SEMA3A: variants seen among roughly 807,000 people sequenced by gnomAD.
The protein encoded by SEMA3A is semaphorin-3A.
A neutral mutation model predicts 97.9 loss-of-function variants in SEMA3A; 29 were observed. The ratio of observed to expected loss-of-function variants is 0.30; its 90% CI spans 0.22 to 0.40. The LOEUF is 0.40. Ranked by LOEUF, SEMA3A falls within the 10% of genes least tolerant of loss-of-function variation. The pLI is 1.00. For missense variants in SEMA3A, 763 were observed against 951.3 expected, an observed-to-expected ratio of 0.80 and a Z score of 2.60; for synonymous variants, 321 against 323.7, an observed-to-expected ratio of 0.99 and a Z score of 0.09.
At chr7:84,147,584 G>A (rs1796499827) in intron 1 of SEMA3A, among the ~76,000 whole-genome samples, 1 of 152,146 alleles carries the variant, frequency 6.6e-6, no homozygotes, top group African/African-American at 2.4e-5. Context: ...AGAGAGACAG[G>A]CTTGTGTGGC....
chr7:84,320,291 T>C (rs894124944), intron 2 of SEMA3A, among the ~76,000 whole-genome samples: 1 of 152,156 alleles, frequency 6.6e-6, no homozygotes, highest in Non-Finnish European at 1.5e-5. Flanking sequence ...ACCTTTTTTG[T>C]CCATCTTAAA....
rs10689027 is a variant in SEMA3A at position 83,971,985 on chromosome 7, C to CTGTG, written c.1717+5143_1717+5146dup. 1.6e-3 allele frequency among the ~76,000 whole-genome samples: 243 copies of CTGTG among 150,140 alleles called. 5 individuals are homozygous for CTGTG. The highest frequency in any genetic ancestry group is 0.016 in the South Asian group (74 of 4,756). ...AGATGTGAACTTAAAATTGGCTAGTCTGTGTGTGTGTGTGTGTGTACATAT... is the reference window on the plus strand; with the variant it reads ...AGATGTGAACTTAAAATTGGCTAGTCTGTGTGTGTGTGTGTGTGTGTGTACATAT... On this transcript the variant is annotated intron_variant, in intron 15 of 16. Coordinates refer to ENST00000265362, the MANE Select transcript of SEMA3A (RefSeq NM_006080.3).
chr7:84,171,887 G>C (rs138627297), intron 1 of SEMA3A, among the ~76,000 whole-genome samples: 1,867 of 152,146 alleles, frequency 0.012, 33 homozygotes, highest in South Asian at 0.021. Context: ...TGTGTCATGA[G>C]AATAACAATT....
At chr7:84,088,553 T>C (rs193239546) in intron 4 of SEMA3A, among the ~76,000 whole-genome samples, 4 of 152,290 alleles carry the variant, frequency 2.6e-5, no homozygotes, top group African/African-American at 9.6e-5. Context: ...CTTAATTCAA[T>C]TTTATTTATC....
At chr7:84,473,729 C>T (rs1806211679) in intron 1 of SEMA3A, among the ~76,000 whole-genome samples, 1 of 152,046 alleles carries the variant, frequency 6.6e-6, no homozygotes, top group South Asian at 2.1e-4. Context: ...ATATAAATAT[C>T]TGATAAATCA....
At chr7:84,407,580 T>C (rs928793448) in intron 1 of SEMA3A, among the ~76,000 whole-genome samples, 1 of 150,930 alleles carries the variant, frequency 6.6e-6, no homozygotes, top group Non-Finnish European at 1.5e-5. Context: ...GAGCCCACAT[T>C]GCCAAGTCAA....
intron 2 of SEMA3A, among the ~76,000 whole-genome samples, chr7:84,329,387 C>T (rs996285306): frequency 2.0e-5 from 3 of 151,754 alleles, no homozygotes; most frequent in Non-Finnish European, 2.9e-5. Context: ...CACATTATGC[C>T]GGTTTATTTA....
intron 2 of SEMA3A, among the ~76,000 whole-genome samples, chr7:84,356,982 G>A (rs1361498486): frequency 2.0e-5 from 3 of 151,558 alleles, no homozygotes; most frequent in Admixed American, 6.6e-5. Flanking sequence ...AAGTTGCTAG[G>A]CAACCTTTAA....
At chr7:84,189,132 A>C (rs564772878) in intron 1 of SEMA3A, among the ~76,000 whole-genome samples, 147 of 151,998 alleles carry the variant, frequency 9.7e-4, no homozygotes, top group African/African-American at 3.3e-3. Flanking sequence ...CACTTGTTCT[A>C]ATGTATGTTT....
chr7:84,325,123 CTAT>C (rs1164820021), intron 2 of SEMA3A, among the ~76,000 whole-genome samples: 1 of 85,026 alleles, frequency 1.2e-5, no homozygotes, highest in Non-Finnish European at 2.8e-5. Flanking sequence ...ATATCTCTAT[CTAT>C]CTATCTATCT....
At chr7:84,406,576 G>A (rs1804096086) in intron 1 of SEMA3A, among the ~76,000 whole-genome samples, 1 of 151,332 alleles carries the variant, frequency 6.6e-6, no homozygotes, top group African/African-American at 2.4e-5. Context: ...TGATACCAAA[G>A]CCTGGCAGAG....
intron 1 of SEMA3A, among the ~76,000 whole-genome samples, chr7:84,429,518 A>ATATATG (rs1804915246): frequency 1.8e-5 from 1 of 54,438 alleles, no homozygotes; most frequent in Non-Finnish European, 3.6e-5. Flanking sequence ...AGAGTTTGTT[A>ATATATG]TATATATATA....
At chr7:84,468,467 C>A (rs1487885311) in intron 1 of SEMA3A, among the ~76,000 whole-genome samples, 1 of 152,096 alleles carries the variant, frequency 6.6e-6, no homozygotes, top group Non-Finnish European at 1.5e-5. Context: ...TTTTTAGATG[C>A]CATAAAGTTT....
chr7:84,326,095 T>C (rs1173213131), intron 2 of SEMA3A, among the ~76,000 whole-genome samples: 1 of 152,164 alleles, frequency 6.6e-6, no homozygotes, highest in Non-Finnish European at 1.5e-5. Context: ...TTCTTCTTTC[T>C]GGCTAAATAA....
intron 5 of SEMA3A, among the ~76,000 whole-genome samples, chr7:84,050,469 G>C (rs1792573883): frequency 6.6e-6 from 1 of 152,002 alleles, no homozygotes; most frequent in Non-Finnish European, 1.5e-5. Flanking sequence ...GTGATGGTGA[G>C]CATTTTTTCA....
intron 1 of SEMA3A, among the ~76,000 whole-genome samples, chr7:84,141,454 C>A (rs1289253669): frequency 1.3e-5 from 2 of 152,088 alleles, no homozygotes; most frequent in Non-Finnish European, 2.9e-5. Context: ...TTCTCCCCTA[C>A]CAGATGCTTA....
At chr7:84,336,269 G>T (rs540722921) in intron 2 of SEMA3A, among the ~76,000 whole-genome samples, 1 of 152,160 alleles carries the variant, frequency 6.6e-6, no homozygotes, top group South Asian at 2.1e-4. Context: ...CACAAAAAAT[G>T]TTGGATGGAA....
intron 2 of SEMA3A, among the ~76,000 whole-genome samples, chr7:84,134,481 T>C (rs1796061975): frequency 6.6e-6 from 1 of 152,230 alleles, no homozygotes; most frequent in Admixed American, 6.5e-5. Context: ...AAATAGTTCA[T>C]GAAGTCAATT....
At chr7:84,469,437 T>C (rs1036619773) in intron 1 of SEMA3A, among the ~76,000 whole-genome samples, 1 of 152,158 alleles carries the variant, frequency 6.6e-6, no homozygotes, top group Non-Finnish European at 1.5e-5. Context: ...GCTTAAGGTA[T>C]AGTGTAATGA....
Sources: gnomAD v4.1 joint callset for allele counts (sites outside exome capture counted in the v4.1 genomes callset) on GRCh38, gnomAD v4.1.1 for gene constraint, MANE v1.5 for transcripts, NCBI Gene and HGNC (gene_info 2026-07-23, HGNC 2026-07-21) for gene names.